NEDD4L: variants seen among roughly 807,000 people sequenced by gnomAD.
NEDD4L encodes the protein NEDD4 like E3 ubiquitin protein ligase.
In NEDD4L, 54 loss-of-function variants were observed where a neutral mutation model predicts 148.9. The observed-to-expected ratio is 0.36, with a 90% confidence interval of 0.29 to 0.45. The LOEUF is 0.45. NEDD4L is among the 20% of genes least tolerant of loss of function. The pLI, the probability that NEDD4L is intolerant of heterozygous loss-of-function variation, is 1.00. For missense variants in NEDD4L, 856 were observed against 1,233.8 expected (o/e 0.69, Z 4.59); for synonymous variants, 433 against 440.7 (o/e 0.98, Z 0.22).
intron 5 of NEDD4L, among the ~76,000 whole-genome samples, chr18:58,272,797 T>C (rs1250810435): frequency 1.3e-5 from 2 of 152,214 alleles, no homozygotes; most frequent in Admixed American, 1.3e-4. Flanking sequence ...TGCCGAGTTC[T>C]AGAGATGCAA....
chr18:58,332,138 G>A (rs1268578833), intron 11 of NEDD4L, among the ~76,000 whole-genome samples: 1 of 152,138 alleles, frequency 6.6e-6, no homozygotes, highest in Non-Finnish European at 1.5e-5. Context: ...CACACCTTTA[G>A]TAAACCAAGT....
rs1028712687 is a variant in NEDD4L at position 58,366,033 on chromosome 18, A to G, written c.1868A>G (p.His623Arg). 1 of 1,612,304 alleles carries G rather than the reference A, an allele frequency of 6.2e-7. No individual in the cohort carries two copies. Among genetic ancestry groups the G allele is most frequent in the Non-Finnish European group, 8.5e-7 (1 of 1,179,094 alleles). The change falls in exon 21 of 31, where the codon CAC becomes CGC. Residue 623 changes from histidine (H) to arginine (R), a missense_variant. Physicochemically the swap from His to Arg is conservative, Grantham distance 29. Coordinates refer to ENST00000400345, the MANE Select transcript of NEDD4L (RefSeq NM_001144967.3). This position sits in a 1 kb window ranked among gnomAD's most constrained non-coding sequence, Gnocchi z 4.2. ...CCCAATAGGTTTGAAATGAAACTTC[A>G]CAGAAATAACATATTTGAAGAGTCC... ...DIPNRFEMKL[H>R]RNNIFEESYR...
At chr18:58,138,978 G>A (rs985456781) in intron 1 of NEDD4L, among the ~76,000 whole-genome samples, 12 of 152,350 alleles carry the variant, frequency 7.9e-5, no homozygotes, top group South Asian at 4.1e-4. Context: ...CCGGGACCAC[G>A]CTGGCTCATT....
chr18:58,343,825 G>T (rs17756323), intron 16 of NEDD4L, among the ~76,000 whole-genome samples: 7,338 of 152,230 alleles, frequency 0.048, 203 homozygotes, highest in Middle Eastern at 0.13. Context: ...AGCCGAATCG[G>T]TGGCTTTTTC....
At chr18:58,176,113 A>C (rs1451989377) in intron 2 of NEDD4L, among the ~76,000 whole-genome samples, 1 of 148,718 alleles carries the variant, frequency 6.7e-6, no homozygotes, top group Non-Finnish European at 1.5e-5. Context: ...ATCAGTTTAC[A>C]AACATTTCCA....
rs2050829230 is a variant in NEDD4L at position 58,401,294 on chromosome 18, A to T, written c.*5025A>T. The T allele has an allele frequency of 6.6e-6, 1 of 152,246 alleles. No individual in the cohort carries two copies. The highest frequency in any genetic ancestry group is 1.9e-4 in the East Asian group (1 of 5,206). 9.4% of individuals were successfully genotyped at this position (152,246 alleles called of 1,614,324 possible). ...AACTACCTTGAATTTTTTTAAGGCA[A>T]CTTATGAATAATGCTCATTTTCACA... On this transcript the variant is annotated 3_prime_UTR_variant, in exon 31 of 31. Coordinates refer to ENST00000400345, the MANE Select transcript of NEDD4L (RefSeq NM_001144967.3).
At chr18:58,181,301 T>A (rs1310929848) in intron 2 of NEDD4L, among the ~76,000 whole-genome samples, 3 of 152,264 alleles carry the variant, frequency 2.0e-5, no homozygotes, top group African/African-American at 7.2e-5. Context: ...ATTAAATTCT[T>A]CAAATGAAGA....
intron 5 of NEDD4L, among the ~76,000 whole-genome samples, chr18:58,313,723 T>G (rs1174167820): frequency 6.6e-6 from 1 of 152,244 alleles, no homozygotes. Context: ...GAGTGAGCAC[T>G]GTGTAAAGAC....
rs4149602 is a variant in NEDD4L, at chr18:58,165,601, A to G, written c.49-187A>G. The G allele has an allele frequency of 4.5e-4, 654 of 1,451,624 alleles. 3 individuals carry two copies. The East Asian group carries it at 8.2e-3, about 18-fold the overall frequency. The allele number at this position is 1,451,624 out of a possible 1,614,324, so 89.9% of individuals were successfully genotyped here. On this transcript the variant is annotated intron_variant, in intron 1 of 30. Coordinates refer to ENST00000400345, the MANE Select transcript of NEDD4L (RefSeq NM_001144967.3). ...TTGGATGTTCTAAGTTTCTAGAGTC[A>G]CAGACTTTTAGAGCTGGAATATTGC...
intron 26 of NEDD4L, among the ~76,000 whole-genome samples, chr18:58,387,073 C>G (rs1391914342): frequency 1.3e-5 from 2 of 152,186 alleles, no homozygotes; most frequent in East Asian, 3.8e-4. Context: ...TCCCTGCCTC[C>G]AGCACGTTAT....
At chr18:58,047,434 A>T in intron 1 of NEDD4L, 23 of 984,638 alleles carry the variant, frequency 2.3e-5, no homozygotes, top group Non-Finnish European at 2.8e-5. Context: ...ATGAACCCAG[A>T]AAACGGGGAT....
Position 58,044,446 on chromosome 18 carries a change from G to A in NEDD4L, c.-215G>A, listed in dbSNP as rs1044278109. 4.3e-6 allele frequency: 2 copies of A among 465,698 alleles called. No homozygotes were observed. The highest frequency in any genetic ancestry group is 6.6e-6 in the Non-Finnish European group (2 of 305,194). The allele number at this position is 465,698 out of a possible 1,614,324, so 28.8% of individuals were successfully genotyped here. A position where few individuals can be genotyped will look rare whatever the true frequency, so the allele number is the denominator to read the frequency against. On this transcript the variant is annotated 5_prime_UTR_variant, in exon 1 of 31. Transcript: ENST00000400345. ...CGCTCTCGGGAGCCGCCCGCCCGCT[G>A]GTCCCGCAGCCTTCCGGGAGGAAGC...
chr18:58,148,396 C>T (rs1040351013), intron 1 of NEDD4L, among the ~76,000 whole-genome samples: 11 of 152,218 alleles, frequency 7.2e-5, no homozygotes, highest in African/African-American at 2.6e-4. Flanking sequence ...GAACTCCTGA[C>T]CTCAAGTTAT....
chr18:58,072,866 G>A (rs910895313), intron 1 of NEDD4L, among the ~76,000 whole-genome samples: 277 of 118,912 alleles, frequency 2.3e-3, no homozygotes, highest in South Asian at 3.3e-3. Flanking sequence ...AGGCGCGCGC[G>A]CGCGCGCACA....
intron 2 of NEDD4L, among the ~76,000 whole-genome samples, chr18:58,222,382 G>A (rs913102575): frequency 6.6e-6 from 1 of 152,174 alleles, no homozygotes; most frequent in African/African-American, 2.4e-5. Context: ...CTCGGTATGA[G>A]TAATTTGGCT....
Position 58,256,321 on chromosome 18 carries a change from G to A in NEDD4L, c.297+4267G>A, listed in dbSNP as rs987833403. On this transcript the variant is annotated intron_variant, in intron 5 of 30. Transcript: ENST00000400345. This position sits in a 1 kb window ranked among gnomAD's most constrained non-coding sequence, Gnocchi z 5.2. ...CGGCAGAGCCCAGGCGCTGGTCCCT[G>A]CAGCACGTTCCAGATGCTTCTGGAA... 2.1e-5 allele frequency: 26 copies of A among 1,231,868 alleles called. No homozygotes were observed. The highest frequency in any genetic ancestry group is 2.5e-5 in the Non-Finnish European group (25 of 987,922). 76.3% of individuals were successfully genotyped at this position (1,231,868 alleles called of 1,614,324 possible).
intron 2 of NEDD4L, among the ~76,000 whole-genome samples, chr18:58,243,509 T>A (rs1328127693): frequency 2.6e-5 from 4 of 152,220 alleles, no homozygotes; most frequent in Admixed American, 1.3e-4. Context: ...TACCCCGGAT[T>A]GAATTCAGAT....
rs2047230560 is a variant in NEDD4L at position 58,246,061 on chromosome 18, T to G, written c.204+553T>G. Among the ~76,000 whole-genome samples, 5 of 152,064 alleles carry G rather than the reference T, an allele frequency of 3.3e-5. No individual in the cohort carries two copies. The South Asian group carries it at 8.3e-4, about 25-fold the overall frequency. ...TCTTTCAGTATTAAATCTAGAAGTT[T>G]TCCAAGACTTTTCAGTACTAACCCA... On this transcript the variant is annotated intron_variant, in intron 3 of 30. Coordinates refer to ENST00000400345, the MANE Select transcript of NEDD4L (RefSeq NM_001144967.3).
chr18:58,387,406 A>G, intron 26 of NEDD4L, 33 bp from the exon 27 acceptor site: 2 of 1,497,534 alleles, frequency 1.3e-6, no homozygotes, highest in Non-Finnish European at 1.8e-6. Flanking sequence ...TGAAGGCAAT[A>G]GGTGTTTAAG....
Sources: allele counts gnomAD v4.1 joint callset (sites outside exome capture counted in the v4.1 genomes callset), GRCh38; gene constraint gnomAD v4.1.1; non-coding constraint Gnocchi (gnomAD v3.1); transcripts MANE v1.5; gene names NCBI Gene and HGNC (gene_info 2026-07-23, HGNC 2026-07-21).